The following ASIC2 variants were observed in gnomAD, a reference collection of about 807,000 sequenced individuals.
ASIC2 encodes acid-sensing ion channel 2.
ASIC2 carries 25 observed loss-of-function variants against 57.3 expected under a neutral mutation model. The observed-to-expected ratio is 0.44, with a 90% CI of 0.32 to 0.61. The LOEUF is 0.61. Ranked by LOEUF, ASIC2 falls within the 20% of genes least tolerant of loss-of-function variation. The pLI is 0.06. For synonymous variants in ASIC2, 319 were observed against 307.5 expected (o/e 1.04, Z -0.39); for missense variants, 641 against 738.1 (o/e 0.87, Z 1.52).
At chr17:33,788,104 T>A (rs930304819) in intron 1 of ASIC2, among the ~76,000 whole-genome samples, 1 of 152,054 alleles carries the variant, frequency 6.6e-6, no homozygotes, top group Non-Finnish European at 1.5e-5. Flanking sequence ...CAAAAGAAAC[T>A]ATCATCAGAG....
chr17:33,269,957 G>A (rs1244934751), intron 1 of ASIC2, among the ~76,000 whole-genome samples: 1 of 152,184 alleles, frequency 6.6e-6, no homozygotes. Context: ...AGCAGGCTCT[G>A]TGGGCCAGCC....
chr17:33,962,708 T>G (rs1904963520), intron 1 of ASIC2, among the ~76,000 whole-genome samples: 1 of 152,178 alleles, frequency 6.6e-6, no homozygotes, highest in Non-Finnish European at 1.5e-5. Context: ...GGCCACTGCC[T>G]GCACTGTCTA....
chr17:34,003,537 A>T (rs1178451795), intron 1 of ASIC2: 1 of 152,118 alleles, frequency 6.6e-6, no homozygotes, highest in Admixed American at 6.5e-5. Flanking sequence ...CATCATTAAC[A>T]CCATTATCAT....
intron 1 of ASIC2, among the ~76,000 whole-genome samples, chr17:33,460,231 G>C (rs1252139521): frequency 6.6e-6 from 1 of 152,184 alleles, no homozygotes; most frequent in Non-Finnish European, 1.5e-5. Flanking sequence ...AGATTGGCTT[G>C]AGCTGATTAG....
chr17:33,765,118 T>G (rs1910896118), intron 1 of ASIC2, among the ~76,000 whole-genome samples: 2 of 152,294 alleles, frequency 1.3e-5, no homozygotes, highest in Middle Eastern at 6.8e-3. Flanking sequence ...TTTTTGTTTT[T>G]TTTTTGAGAC....
intron 1 of ASIC2, among the ~76,000 whole-genome samples, chr17:33,313,224 G>C (rs1426261364): frequency 6.6e-6 from 1 of 151,928 alleles, no homozygotes; most frequent in Non-Finnish European, 1.5e-5. Flanking sequence ...TACTCAGGAG[G>C]CTGAGGTGGG....
intron 1 of ASIC2, among the ~76,000 whole-genome samples, chr17:33,175,144 C>T (rs1337643209): frequency 6.6e-6 from 1 of 152,166 alleles, no homozygotes; most frequent in Non-Finnish European, 1.5e-5. Context: ...TATAAAATAG[C>T]TGACATAAAA....
At chr17:33,624,449 G>A (rs988759535) in intron 1 of ASIC2, among the ~76,000 whole-genome samples, 15 of 152,230 alleles carry the variant, frequency 9.9e-5, no homozygotes, top group South Asian at 8.3e-4. Context: ...CAGGGAGGCC[G>A]TCCCAATTAG....
At chr17:33,015,838 T>G in intron 9 of ASIC2, 133 bp downstream of exon 9, 2 of 903,366 alleles carry the variant, frequency 2.2e-6, no homozygotes, top group South Asian at 1.6e-5. Context: ...ATTTGGGAAC[T>G]GACAGCATGT....
intron 1 of ASIC2, among the ~76,000 whole-genome samples, chr17:34,134,576 G>A (rs1211722696): frequency 6.6e-6 from 1 of 152,150 alleles, no homozygotes; most frequent in Non-Finnish European, 1.5e-5. Flanking sequence ...CAGGCCACAA[G>A]TGCCAGAGAA....
chr17:33,912,560 T>A (rs1915491338), intron 1 of ASIC2, among the ~76,000 whole-genome samples: 1 of 152,076 alleles, frequency 6.6e-6, no homozygotes, highest in Non-Finnish European at 1.5e-5. Context: ...CCCCCTACCA[T>A]CTTTTCCCCT....
chr17:33,147,908 C>T (rs1285170387), intron 1 of ASIC2, among the ~76,000 whole-genome samples: 1 of 152,178 alleles, frequency 6.6e-6, no homozygotes, highest in Non-Finnish European at 1.5e-5. Flanking sequence ...GACTGGAGGA[C>T]CGGGATGCAT....
intron 1 of ASIC2, among the ~76,000 whole-genome samples, chr17:33,497,885 C>G (rs1443373232): frequency 6.6e-6 from 1 of 152,194 alleles, no homozygotes; most frequent in Non-Finnish European, 1.5e-5. Flanking sequence ...ATATGGGCAC[C>G]TCTCTTCCCC....
In ASIC2 at chr17:33,107,320, G is replaced by T. The variant is rs4413014; in HGVS notation, c.859+4597C>A. On this transcript the variant is annotated intron_variant, in intron 2 of 9. Coordinates refer to ENST00000225823, the MANE Select transcript of ASIC2 (RefSeq NM_183377.2). Reference sequence around the variant, plus strand: ...GGTCAAAGGCATTTGGGAAATAAATGCTGCCTTGGCTATTCCTATCTTGGA... The same window carrying T: ...GGTCAAAGGCATTTGGGAAATAAATTCTGCCTTGGCTATTCCTATCTTGGA... Among the ~76,000 whole-genome samples, 704 of 152,320 alleles carry T rather than the reference G, an allele frequency of 4.6e-3. 3 individuals are homozygous for T. Among genetic ancestry groups the T allele is most frequent in the South Asian group, 0.017 (84 of 4,828 alleles).
chr17:33,289,575 A>G (rs1199239455), intron 1 of ASIC2, among the ~76,000 whole-genome samples: 1 of 152,182 alleles, frequency 6.6e-6, no homozygotes, highest in African/African-American at 2.4e-5. Flanking sequence ...GAGGAAGGGT[A>G]CCTGTGGTTT....
At chr17:33,168,594 A>G (rs1876917269) in intron 1 of ASIC2, among the ~76,000 whole-genome samples, 1 of 152,244 alleles carries the variant, frequency 6.6e-6, no homozygotes, top group African/African-American at 2.4e-5. Flanking sequence ...ATACAGTTGC[A>G]AAGAACTTGG....
rs1914342271 is a variant in ASIC2, at chr17:33,869,814, T to C, written c.555+286164A>G. Reference sequence around the variant, plus strand: ...ATAATAAAAATATCCTAAAATTGATTGTGATAATAGTTGCACAACTCTGTG... The same window carrying C: ...ATAATAAAAATATCCTAAAATTGATCGTGATAATAGTTGCACAACTCTGTG... On this transcript the variant is annotated intron_variant, in intron 1 of 9. Coordinates refer to the ASIC2 transcript ENST00000359872. Among the ~76,000 whole-genome samples the C allele has an allele frequency of 2.0e-5, 3 of 152,244 alleles. No individual in the cohort carries two copies. The South Asian group carries it at 6.2e-4, about 31-fold the overall frequency.
chr17:33,236,835 A>AACTC (rs1406607363), intron 1 of ASIC2, among the ~76,000 whole-genome samples: 1 of 152,204 alleles, frequency 6.6e-6, no homozygotes. Context: ...CAACTCAAGG[A>AACTC]ACTCCTGCAG....
intron 1 of ASIC2, among the ~76,000 whole-genome samples, chr17:33,558,084 T>G (rs1915963284): frequency 6.6e-6 from 1 of 152,052 alleles, no homozygotes; most frequent in Admixed American, 6.5e-5. Flanking sequence ...ATTAAAGATT[T>G]TTTTCTTGCG....
Sources: gnomAD v4.1 joint callset for allele counts (sites outside exome capture counted in the v4.1 genomes callset) on GRCh38, gnomAD v4.1.1 for gene constraint, MANE v1.5 for transcripts, NCBI Gene and HGNC (gene_info 2026-07-23, HGNC 2026-07-21) for gene names.